PDZD9: variants seen among roughly 807,000 people sequenced by gnomAD.
PDZD9 encodes PDZ domain containing 9, also known as PDZ domain-containing protein 9.
In PDZD9, 13 loss-of-function variants were observed where a neutral mutation model predicts 16.3. That is an observed-to-expected ratio of 0.80 (90% CI 0.52 to 1.27). The LOEUF is 1.27. PDZD9 is among the 50% of genes most tolerant of loss of function. PDZD9 has a pLI of 0.00. For synonymous variants in PDZD9, 120 were observed against 111.0 expected (o/e 1.08, Z -0.51); for missense variants, 288 against 310.9 (o/e 0.93, Z 0.55).
intron 3 of PDZD9, among the ~76,000 whole-genome samples, chr16:21,985,676 G>C (rs1009009691): frequency 6.6e-6 from 1 of 152,132 alleles, no homozygotes; most frequent in Non-Finnish European, 1.5e-5. Flanking sequence ...ACAAATCTCT[G>C]GTACATTCTG....
the PDZD9 span, among the ~76,000 whole-genome samples, chr16:21,970,667 C>T: frequency 6.6e-6 from 1 of 152,098 alleles, no homozygotes. Flanking sequence ...CTCACTGCAA[C>T]CTCCACTTCC....
At chr16:21,985,934 A>C (rs539510001) in intron 3 of PDZD9, among the ~76,000 whole-genome samples, 1 of 152,184 alleles carries the variant, frequency 6.6e-6, no homozygotes, top group Non-Finnish European at 1.5e-5. Flanking sequence ...TGAACAGCAC[A>C]TGAATTTTTT....
At chr16:21,989,102 T>C (rs1474259807) in intron 2 of PDZD9, among the ~76,000 whole-genome samples, 1 of 149,262 alleles carries the variant, frequency 6.7e-6, no homozygotes, top group African/African-American at 2.5e-5. Context: ...CTAATTTTGT[T>C]TTTTTTTTTT....
intron 2 of PDZD9, among the ~76,000 whole-genome samples, chr16:21,990,488 C>A (rs999160073): frequency 1.3e-5 from 2 of 152,290 alleles, no homozygotes; most frequent in South Asian, 4.1e-4. Flanking sequence ...CAAATACTTA[C>A]AAGGGTGGAG....
the PDZD9 span, among the ~76,000 whole-genome samples, chr16:21,960,190 T>C: frequency 6.6e-6 from 1 of 152,256 alleles, no homozygotes; most frequent in Non-Finnish European, 1.5e-5. Context: ...ATTGAAAATC[T>C]GTGGTTTAGT....
intron 2 of PDZD9, among the ~76,000 whole-genome samples, chr16:21,992,312 ATATTTAT>A (rs1449810826): frequency 6.6e-6 from 1 of 152,180 alleles, no homozygotes; most frequent in Non-Finnish European, 1.5e-5. Context: ...CCTAGGACAA[ATATTTAT>A]TATTTATTTA....
chr16:21,993,246 G>A (rs1006265973), intron 2 of PDZD9, among the ~76,000 whole-genome samples: 6 of 152,176 alleles, frequency 3.9e-5, no homozygotes, highest in African/African-American at 1.2e-4. Flanking sequence ...AACTATAGCC[G>A]TGCCATGAGA....
At chr16:21,979,730 C>G (rs371340600), downstream of PDZD9, among the ~76,000 whole-genome samples, 8 of 152,102 alleles carry the variant, frequency 5.3e-5, no homozygotes, top group African/African-American at 1.4e-4. Flanking sequence ...AGATACTAAA[C>G]ACTGTAAACA....
At chr16:21,990,384 C>G (rs1205832801) in intron 2 of PDZD9, among the ~76,000 whole-genome samples, 2 of 152,156 alleles carry the variant, frequency 1.3e-5, no homozygotes, top group Non-Finnish European at 2.9e-5. Context: ...TCAGGAATTA[C>G]ACTGATCCCA....
chr16:21,972,494 A>G, the PDZD9 span, among the ~76,000 whole-genome samples: 1 of 152,066 alleles, frequency 6.6e-6, no homozygotes, highest in Admixed American at 6.6e-5. Flanking sequence ...CCTGAATCTC[A>G]CTATTTGTTT....
At chr16:21,997,892 T>G (rs1597984012) in intron 1 of PDZD9, among the ~76,000 whole-genome samples, 1 of 152,162 alleles carries the variant, frequency 6.6e-6, no homozygotes, top group East Asian at 1.9e-4. Flanking sequence ...CATGTGACTG[T>G]GGTGTTTTCA....
intron 3 of PDZD9, among the ~76,000 whole-genome samples, chr16:21,986,512 G>T (rs1389328344): frequency 2.0e-5 from 3 of 152,172 alleles, no homozygotes; most frequent in Non-Finnish European, 4.4e-5. Context: ...GAGTCGCTGA[G>T]TAGGATTTGA....
chr16:21,971,491 G>GGTTC, the PDZD9 span: 4 of 1,513,580 alleles, frequency 2.6e-6, no homozygotes, highest in Admixed American at 7.5e-5. Context: ...TAGTAATTGT[G>GGTTC]GTTCTAGCTT....
the PDZD9 span, among the ~76,000 whole-genome samples, chr16:21,975,782 T>C: frequency 1.3e-5 from 2 of 152,150 alleles, no homozygotes; most frequent in Non-Finnish European, 2.9e-5. Context: ...GCTTATTCTT[T>C]ATGGGTGATT....
At chr16:21,986,462 A>G (rs1167509731) in intron 3 of PDZD9, among the ~76,000 whole-genome samples, 1 of 152,206 alleles carries the variant, frequency 6.6e-6, no homozygotes, top group East Asian at 1.9e-4. Flanking sequence ...TTATGTAATC[A>G]CATGAGCCCA....
chr16:21,993,105 C>T (rs1364342702), intron 2 of PDZD9, among the ~76,000 whole-genome samples: 1 of 152,136 alleles, frequency 6.6e-6, no homozygotes, highest in Admixed American at 6.6e-5. Flanking sequence ...TCAATTAAAC[C>T]TCCTTCATTT....
chr16:21,972,006 A>C, the PDZD9 span: 1 of 1,614,120 alleles, frequency 6.2e-7, no homozygotes, highest in East Asian at 2.2e-5. Flanking sequence ...TGCAGAGGCA[A>C]ATGCATTTAG....
At chr16:21,976,228 A>T in the PDZD9 span, 1 of 1,613,824 alleles carries the variant, frequency 6.2e-7, no homozygotes, top group Admixed American at 1.7e-5. Context: ...TCCAACACAG[A>T]TGTCCAAGCT....
At chr16:21,973,073 C>G in the PDZD9 span, among the ~76,000 whole-genome samples, 1 of 152,202 alleles carries the variant, frequency 6.6e-6, no homozygotes, top group Non-Finnish European at 1.5e-5. Flanking sequence ...GCACTCCAGC[C>G]TGGGTGACAG....
Sources: gnomAD v4.1 joint callset for allele counts (sites outside exome capture counted in the v4.1 genomes callset) on GRCh38, gnomAD v4.1.1 for gene constraint, MANE v1.5 for transcripts, NCBI Gene and HGNC (gene_info 2026-07-23, HGNC 2026-07-21) for gene names.